Variants in COL5A1 observed in about 807,000 individuals in gnomAD.
COL5A1 encodes collagen alpha-1(V) chain.
COL5A1 carries 16 observed loss-of-function variants against 263.7 expected under a neutral mutation model. The observed-to-expected ratio is 0.06, with a 90% CI of 0.04 to 0.09. The LOEUF (loss-of-function observed/expected upper bound fraction) is 0.09. Ranked by LOEUF, COL5A1 falls within the 10% of genes least tolerant of loss-of-function variation. The pLI, the probability that COL5A1 is intolerant of heterozygous loss-of-function variation, is 1.00. For missense variants in COL5A1, 2,036 were observed against 2,540.5 expected, an observed-to-expected ratio of 0.80 and a Z score of 4.27; for synonymous variants, 1,012 against 1,004.5, an observed-to-expected ratio of 1.01 and a Z score of -0.14.
At chr9:134,719,048 C>T (rs557082332) in intron 4 of COL5A1, among the ~76,000 whole-genome samples, 9 of 152,286 alleles carry the variant, frequency 5.9e-5, no homozygotes, top group Admixed American at 2.0e-4. Flanking sequence ...CAACCTGTCA[C>T]GTTGGAGCGG....
At position 134,711,125 on chromosome 9, in the gene COL5A1, G is replaced by A. The variant is rs545361539; in HGVS notation, c.654+9792G>A. 5.3e-5 allele frequency among the ~76,000 whole-genome samples: 8 copies of A among 152,232 alleles called. No homozygotes were observed. In the East Asian group the frequency reaches 7.7e-4, roughly 15 times the overall value. On this transcript the variant is annotated intron_variant, in intron 4 of 65. Coordinates refer to ENST00000371817, the MANE Select transcript of COL5A1 (RefSeq NM_000093.5). ...TCTCTGTCTTCCACAGCTGGCCTCC[G>A]CCTCTGGGCATGAATTGTTCGGTCG...
intron 7 of COL5A1, among the ~76,000 whole-genome samples, chr9:134,731,104 T>C (rs1834863342): frequency 6.6e-6 from 1 of 152,222 alleles, no homozygotes; most frequent in Non-Finnish European, 1.5e-5. Context: ...ATGCTTAACA[T>C]AGCCACTGTG....
In COL5A1 at chr9:134,678,205, T is replaced by A. The variant is rs1014107425; in HGVS notation, c.110-12707T>A. Among the ~76,000 whole-genome samples, 8 of 152,188 alleles carry A rather than the reference T, an allele frequency of 5.3e-5. No individual in the cohort carries two copies. Among genetic ancestry groups the A allele is most frequent in the Non-Finnish European group, 1.0e-4 (7 of 68,030 alleles). On this transcript the variant is annotated intron_variant, in intron 1 of 65. Coordinates refer to ENST00000371817, the MANE Select transcript of COL5A1 (RefSeq NM_000093.5). This position sits in a 1 kb window ranked among gnomAD's most constrained non-coding sequence, Gnocchi z 5.5. ...CTGAAACTCAGGTGGTCTGTATCTCTGGTGGTCTGTGGCTCTGAAGCCATG... is the reference window on the plus strand; with the variant it reads ...CTGAAACTCAGGTGGTCTGTATCTCAGGTGGTCTGTGGCTCTGAAGCCATG...
chr9:134,787,587 G>T (rs1486228934), intron 31 of COL5A1, among the ~76,000 whole-genome samples: 2 of 152,212 alleles, frequency 1.3e-5, no homozygotes, highest in African/African-American at 4.8e-5. Context: ...TATTCACCAG[G>T]TCAGAGTCCC....
At position 134,701,255 on chromosome 9, in the gene COL5A1, C is replaced by A. The variant is rs1226994577; in HGVS notation, c.576C>A (p.Asp192Glu). The A allele has an allele frequency of 1.2e-6, 2 of 1,614,012 alleles. No individual in the cohort carries two copies. Among genetic ancestry groups the A allele is most frequent in the Non-Finnish European group, 1.7e-6 (2 of 1,179,996 alleles). Reference protein sequence around the residue: ...DCKKKTTKFLDRSDHPMIDIN... With the variant: ...DCKKKTTKFLERSDHPMIDIN... The stretch of plus-strand genomic sequence containing the variant: ...AAAAGAAGACCACCAAATTCCTCGA[C>A]CGCAGCGACCACCCCATGATCGACA... The change falls in exon 4 of 66, where the codon GAC becomes GAA. Residue 192 changes from aspartate (D) to glutamate (E), a missense_variant. Transcript: ENST00000371817.
intron 1 of COL5A1, among the ~76,000 whole-genome samples, chr9:134,653,664 ATAGGGCTGGGGATCTG>A (rs1831774373): frequency 6.6e-6 from 1 of 151,974 alleles, no homozygotes; most frequent in African/African-American, 2.4e-5. Context: ...CTGCAGGTTT[ATAGGGCTGGGGATCTG>A]TAGGGCCAGG....
intron 1 of COL5A1, among the ~76,000 whole-genome samples, chr9:134,689,007 CTG>C (rs1833176012): frequency 6.6e-6 from 1 of 152,184 alleles, no homozygotes; most frequent in Admixed American, 6.5e-5. Flanking sequence ...AGGTTCCTGT[CTG>C]TACCTCCTTG....
intron 2 of COL5A1, among the ~76,000 whole-genome samples, chr9:134,692,272 T>G (rs1833312930): frequency 6.6e-6 from 1 of 151,982 alleles, no homozygotes; most frequent in African/African-American, 2.4e-5. Context: ...GGTACCAGAG[T>G]GGCCCTGGGC....
chr9:134,660,922 G>T (rs761345931), intron 1 of COL5A1, among the ~76,000 whole-genome samples: 18 of 152,284 alleles, frequency 1.2e-4, no homozygotes, highest in African/African-American at 4.3e-4. Context: ...AAACTCAGAG[G>T]GTGCTGACCA....
intron 1 of COL5A1, among the ~76,000 whole-genome samples, chr9:134,648,296 A>G (rs1441277443): frequency 7.8e-6 from 1 of 128,354 alleles, no homozygotes; most frequent in African/African-American, 3.3e-5. Context: ...TCCTATATAT[A>G]TATATATAAT....
At chr9:134,761,624 G>A (rs1836447268) in intron 18 of COL5A1, among the ~76,000 whole-genome samples, 1 of 152,218 alleles carries the variant, frequency 6.6e-6, no homozygotes, top group Admixed American at 6.5e-5. Flanking sequence ...GGATAGCTCA[G>A]ACCTCGGCTC....
chr9:134,724,869 A>AGGTGAACCAGGCTCG (rs1415809469), intron 4 of COL5A1, among the ~76,000 whole-genome samples: 7 of 149,212 alleles, frequency 4.7e-5, no homozygotes, highest in Admixed American at 2.0e-4. Flanking sequence ...AACCAGGCTC[A>AGGTGAACCAGGCTCG]GGTGAACCAG....
At chr9:134,676,544 G>T (rs1832689151) in intron 1 of COL5A1, among the ~76,000 whole-genome samples, 1 of 107,846 alleles carries the variant, frequency 9.3e-6, no homozygotes, top group South Asian at 3.0e-4. Flanking sequence ...CTAAAGGGGG[G>T]CATGGCAGGT....
At chr9:134,837,005 CA>C (rs1407769515) in intron 65 of COL5A1, among the ~76,000 whole-genome samples, 1 of 152,228 alleles carries the variant, frequency 6.6e-6, no homozygotes, top group African/African-American at 2.4e-5. Flanking sequence ...CCGTCCTCCC[CA>C]AATGAGTATA....
At chr9:134,734,534 T>C (rs3128609) in intron 9 of COL5A1, among the ~76,000 whole-genome samples, 87,852 of 152,190 alleles carry the variant, frequency 0.58, 26,741 homozygotes, top group African/African-American at 0.77. Context: ...CGTCCCGGCC[T>C]GTGGAAGGGG....
intron 4 of COL5A1, chr9:134,708,328 A>G (rs1168038837): frequency 6.3e-6 from 2 of 317,552 alleles, no homozygotes; most frequent in African/African-American, 4.4e-5. Context: ...GGCTTCTCGG[A>G]GGCAGTGTGT....
intron 31 of COL5A1, among the ~76,000 whole-genome samples, chr9:134,788,266 A>G (rs1348610221): frequency 6.7e-6 from 1 of 148,620 alleles, no homozygotes; most frequent in Non-Finnish European, 1.5e-5. Context: ...CTTGGCAGAG[A>G]GGTGGATGAA....
chr9:134,642,315 G>T lies in COL5A1; in HGVS notation c.109+19G>T. On this transcript the variant is annotated intron_variant, in intron 1 of 65. Transcript: ENST00000371817. The surrounding 1 kb of genome is among the most constrained non-coding windows in gnomAD (Gnocchi z 4.5). ...CGCGCAGGTAAGGGCGCCCCGGGGC[G>T]CGGGGCTGCGGGATGGGGCGCGCGC... The T allele has an allele frequency of 1.3e-6, 1 of 796,482 alleles. No individual in the cohort carries two copies. 49.3% of individuals were successfully genotyped at this position (796,482 alleles called of 1,614,324 possible). A position where few individuals can be genotyped will look rare whatever the true frequency, so the allele number is the denominator to read the frequency against.
chr9:134,652,237 G>C lies in COL5A1; in HGVS notation c.109+9941G>C, dbSNP rs1361552613. 6.6e-6 allele frequency among the ~76,000 whole-genome samples: 1 copy of C among 152,234 alleles called. No homozygotes were observed. The highest frequency in any genetic ancestry group is 2.4e-5 in the African/African-American group (1 of 41,462). The stretch of plus-strand genomic sequence containing the variant: ...TCGACTAGGTCAAAAAGTACTGCTT[G>C]AGCAGTGGAGATACTCAGCTGAAGG... On this transcript the variant is annotated intron_variant, in intron 1 of 65. Coordinates refer to ENST00000371817, the MANE Select transcript of COL5A1 (RefSeq NM_000093.5). The surrounding 1 kb of genome is among the most constrained non-coding windows in gnomAD (Gnocchi z 4.4).
Sources: allele counts gnomAD v4.1 joint callset (sites outside exome capture counted in the v4.1 genomes callset), GRCh38; gene constraint gnomAD v4.1.1; non-coding constraint Gnocchi (gnomAD v3.1); transcripts MANE v1.5; gene names NCBI Gene and HGNC (gene_info 2026-07-23, HGNC 2026-07-21).